The following DVL2 variants were observed in gnomAD, a reference collection of about 807,000 sequenced individuals.
DVL2 encodes dishevelled segment polarity protein 2, also known as segment polarity protein dishevelled homolog DVL-2.
A neutral mutation model predicts 69.8 loss-of-function variants in DVL2; 38 were observed. That is an observed-to-expected ratio of 0.54 (90% CI 0.42 to 0.71). The LOEUF (loss-of-function observed/expected upper bound fraction) is 0.71. Ranked by LOEUF, DVL2 falls within the 30% of genes least tolerant of loss-of-function variation. The probability of loss-of-function intolerance (pLI) is 0.00; values close to 1 mark genes in which losing one functional copy is unlikely to be tolerated. For synonymous variants in DVL2, 428 were observed against 392.4 expected, an observed-to-expected ratio of 1.09 and a Z score of -1.07; for missense variants, 931 against 1,008.1, an observed-to-expected ratio of 0.92 and a Z score of 1.04.
At chr17:7,228,670 C>A (rs534249681) in intron 9 of DVL2, 11 of 364,444 alleles carry the variant, frequency 3.0e-5, no homozygotes, top group Middle Eastern at 8.3e-4. Context: ...AACCTCCACC[C>A]CCCAGGGTTC....
At chr17:7,228,092 T>A (rs1436629811) in intron 9 of DVL2, 48 bp from the exon 10 acceptor site, 1 of 1,463,910 alleles carries the variant, frequency 6.8e-7, no homozygotes, top group African/African-American at 1.4e-5. Context: ...AGAGGAGGCC[T>A]CAGGAGGGCG....
chr17:7,226,429 T>C lies in DVL2; in HGVS notation c.1754A>G (p.His585Arg). The change falls in exon 14 of 15, where the codon CAT (histidine) becomes CGT (arginine). Residue 585 changes from histidine to arginine, a missense_variant. Transcript: ENST00000005340. Reference sequence around the variant, plus strand: ...ATGTGGGGATGACTTACCCTCACTATGCTGGCTGCTGGCACTGCCCCCACC... The same window carrying C: ...ATGTGGGGATGACTTACCCTCACTACGCTGGCTGCTGGCACTGCCCCCACC... ...TYGGGSASSQHSEGSRSSGST... is the reference protein window; with the variant it reads ...TYGGGSASSQRSEGSRSSGST... 6.5e-7 allele frequency: 1 copy of C among 1,534,612 alleles called. No homozygotes were observed. The highest frequency in any genetic ancestry group is 1.4e-5 in the African/African-American group (1 of 72,370).
intron 1 of DVL2, among the ~76,000 whole-genome samples, chr17:7,232,946 C>T (rs928655421): frequency 4.0e-5 from 6 of 151,866 alleles, no homozygotes; most frequent in South Asian, 2.1e-4. Flanking sequence ...AAAAATTAGC[C>T]GGGTGTGGTG....
intron 1 of DVL2, among the ~76,000 whole-genome samples, chr17:7,232,860 C>T (rs2071562909): frequency 6.6e-6 from 1 of 151,998 alleles, no homozygotes; most frequent in Admixed American, 6.6e-5. Flanking sequence ...GAGGCTGAGG[C>T]GGGCGAATCA....
Position 7,229,907 on chromosome 17 carries a change from T to C in DVL2, c.557A>G (p.Glu186Gly), listed in dbSNP as rs2142993086. ...GHRTGGPSRL[E>G]RHLAGYESSS... ...GCTCTCGTATCCGGCCAGGTGGCGC[T>C]CCAGCCTTGAGGGGCCACCAGTCCT... The change falls in exon 5 of 15, where the codon GAG becomes GGG. Residue 186 changes from glutamate (E) to glycine (G), a missense_variant. Physicochemically the swap from Glu to Gly is moderately conservative, Grantham distance 98. Around this residue, in one of 3 missense-constraint regions of DVL2, gnomAD observed 555 missense variants for 588.8 expected, o/e 0.94. Transcript: ENST00000005340. This position sits in a 1 kb window ranked among gnomAD's most constrained non-coding sequence, Gnocchi z 4.4. The C allele has an allele frequency of 1.2e-6, 2 of 1,609,648 alleles. No homozygotes were observed. Among genetic ancestry groups the C allele is most frequent in the Middle Eastern group, 1.7e-4 (1 of 6,056 alleles).
In DVL2 at chr17:7,229,218, C is replaced by T. The variant is rs774081156; in HGVS notation, c.874G>A (p.Gly292Arg). 4 of 1,614,166 alleles carry T rather than the reference C, an allele frequency of 2.5e-6. No individual in the cohort carries two copies. The highest frequency in any genetic ancestry group is 2.2e-5 in the East Asian group (1 of 44,880). Residue 292 changes from glycine (G) to arginine (R), a missense_variant, in exon 8 of 15, where the codon GGA (glycine) becomes AGA (arginine). By Grantham distance (125) the Gly-to-Arg change is moderately radical. Transcript: ENST00000005340. The surrounding 1 kb of genome is among the most constrained non-coding windows in gnomAD (Gnocchi z 4.4). ...ATGATGGAGCCAATGTAGATGCCTC[C>T]GTCTCCCCGCTCATTGCTCTGGCCA... ...IVGQSNERGDGGIYIGSIMKG... is the reference protein window; with the variant it reads ...IVGQSNERGDRGIYIGSIMKG...
Position 7,227,798 on chromosome 17 carries a change from G to A in DVL2, c.1103-15C>T, listed in dbSNP as rs77934771. On this transcript the variant is annotated splice_polypyrimidine_tract_variant and intron_variant, in intron 10 of 14. Coordinates refer to ENST00000005340, the MANE Select transcript of DVL2 (RefSeq NM_004422.3). Reference sequence around the variant, plus strand: ...GATGGGCTCATCTGGGACAAAGATGGCACCAAAATGACCCATTCTCAGTCC... The same window carrying A: ...GATGGGCTCATCTGGGACAAAGATGACACCAAAATGACCCATTCTCAGTCC... 0.035 allele frequency: 54,514 copies of A among 1,561,906 alleles called. 1,127 individuals are homozygous for A. The highest frequency in any genetic ancestry group is 0.042 in the Non-Finnish European group (48,748 of 1,152,702).
At chr17:7,231,343 A>T (rs976722699) in intron 1 of DVL2, among the ~76,000 whole-genome samples, 2 of 150,756 alleles carry the variant, frequency 1.3e-5, no homozygotes, top group Admixed American at 1.3e-4. Flanking sequence ...GGTGTCTATA[A>T]TCCCAGCTAC....
In DVL2 at chr17:7,234,106, C is replaced by T. The variant is rs1169678933; in HGVS notation, c.157G>A (p.Ala53Thr). 6.2e-7 allele frequency: 1 copy of T among 1,614,158 alleles called. No homozygotes were observed. Among genetic ancestry groups the T allele is most frequent in the Admixed American group, 1.7e-5 (1 of 60,028 alleles). ...TCCATAGACTTGAAAAAGTACTTGG[C>T]GCCCGCGGGCCGCTGCAGGACGCTC... The part of the protein sequence containing the change: ...FKSVLQRPAG[A>T]KYFFKSMDQD... Residue 53 changes from alanine (A) to threonine (T), a missense_variant, in exon 1 of 15, where the codon GCC becomes ACC. This residue lies in a region of DVL2 where 555 missense variants were observed against 588.8 expected (regional missense o/e 0.94). Transcript: ENST00000005340.
rs764230022 is a variant in DVL2 at position 7,229,122 on chromosome 17, T to C, written c.957+13A>G. The C allele has an allele frequency of 1.9e-6, 3 of 1,614,016 alleles. No homozygotes were observed. Among genetic ancestry groups the C allele is most frequent in the East Asian group, 4.5e-5 (2 of 44,870 alleles). On this transcript the variant is annotated intron_variant, in intron 8 of 14. Transcript: ENST00000005340. This position sits in a 1 kb window ranked among gnomAD's most constrained non-coding sequence, Gnocchi z 4.4. Reference sequence around the variant, plus strand: ...CCCGTGCAGGGCAGCTCAGTGGCCCTACCCCAGCACACCTGCAAAAGCATG... The same window carrying C: ...CCCGTGCAGGGCAGCTCAGTGGCCCCACCCCAGCACACCTGCAAAAGCATG...
Position 7,226,272 on chromosome 17 carries a change from C to G in DVL2, c.1804G>C (p.Gly602Arg). The G allele has an allele frequency of 6.3e-7, 1 of 1,597,646 alleles. No individual in the cohort carries two copies. The highest frequency in any genetic ancestry group is 1.3e-5 in the African/African-American group (1 of 74,486). The change falls in exon 15 of 15, where the codon GGG becomes CGG. Residue 602 changes from glycine (G) to arginine (R), a missense_variant. By Grantham distance (125) the Gly-to-Arg change is moderately radical (BLOSUM62 -2). Around this residue, in one of 3 missense-constraint regions of DVL2, gnomAD observed 314 missense variants for 313.7 expected, o/e 1.00. Coordinates refer to ENST00000005340, the MANE Select transcript of DVL2 (RefSeq NM_004422.3). ...CGCTCCTCGGGCCTCCCCGTGCGCC[C>G]TGCCCCCCCATCACTCCGTGTCGAC... is the stretch of plus-strand genomic sequence containing the variant. ...SGSTRSDGGA[G>R]RTGRPEERAP...
chr17:7,228,609 C>A, intron 9 of DVL2: 2 of 218,362 alleles, frequency 9.2e-6, no homozygotes, highest in Non-Finnish European at 9.1e-6. Context: ...GAGACGGAGT[C>A]TTGCTCTGTC....
rs201390441 is a variant in DVL2, at chr17:7,227,569, G to T, written c.1232-34C>A. On this transcript the variant is annotated intron_variant, in intron 11 of 14. Transcript: ENST00000005340. ...GGAGACAACGGGTAACCAGAGTCAG[G>T]GATCGCTCCCACAAGGGCAATGGAT... 42 of 1,612,978 alleles carry T rather than the reference G, an allele frequency of 2.6e-5. No individual in the cohort carries two copies. The Admixed American group carries it at 6.7e-4, about 26-fold the overall frequency.
rs372141752 is a variant in DVL2 at position 7,234,328 on chromosome 17, G to A, written c.-66C>T. Reference sequence around the variant, plus strand: ...AGGGCTAATGGCCCCTGCCGCGCCTGCGCACACCCGCAAACCGACGCGCGA... The same window carrying A: ...AGGGCTAATGGCCCCTGCCGCGCCTACGCACACCCGCAAACCGACGCGCGA... On this transcript the variant is annotated 5_prime_UTR_variant, in exon 1 of 15. Transcript: ENST00000005340. 1 of 1,538,232 alleles carries A rather than the reference G, an allele frequency of 6.5e-7. No individual in the cohort carries two copies. The highest frequency in any genetic ancestry group is 2.3e-5 in the East Asian group (1 of 44,362).
Position 7,234,253 on chromosome 17 carries a change from T to A in DVL2, c.10A>T (p.Ser4Cys), listed in dbSNP as rs1314140315. The A allele has an allele frequency of 3.1e-6, 5 of 1,607,822 alleles. No individual in the cohort carries two copies. In the South Asian group the frequency reaches 5.5e-5, roughly 18 times the overall value. The change falls in exon 1 of 15, where the codon AGC becomes TGC. Residue 4 changes from serine to cysteine, a missense_variant. Transcript: ENST00000005340. MAG[S>C]STGGGGVGET... ...CCAACCCCACCGCCCCCAGTGCTGC[T>A]ACCCGCCATGGTCTCGCCCGCGCGC... is the stretch of plus-strand genomic sequence containing the variant.
intron 9 of DVL2, 134 bp from the exon 10 acceptor site, chr17:7,228,178 G>A (rs2071487322): frequency 2.8e-6 from 2 of 709,208 alleles, no homozygotes; most frequent in Non-Finnish European, 4.7e-6. Flanking sequence ...GCTAGAGAAG[G>A]TGAGGGTGGA....
chr17:7,234,036 C>T (rs1370540542), intron 1 of DVL2, 33 bp downstream of exon 1: 4 of 1,609,502 alleles, frequency 2.5e-6, no homozygotes, highest in Non-Finnish European at 3.4e-6. Flanking sequence ...TCTAGCAAAG[C>T]CCCCGCCGGT....
chr17:7,228,574 T>C (rs2071493365), intron 9 of DVL2: 2 of 211,476 alleles, frequency 9.5e-6, no homozygotes, highest in East Asian at 1.2e-4. Context: ...TTGAACGTTA[T>C]GTCTTAGCAC....
chr17:7,231,446 C>CAAA (rs57713433), intron 1 of DVL2, among the ~76,000 whole-genome samples: 1 of 98,856 alleles, frequency 1.0e-5, no homozygotes, highest in Non-Finnish European at 2.1e-5. Flanking sequence ...CTGGGCGGCT[C>CAAA]AAAAAAAAAA....
Sources: allele counts gnomAD v4.1 joint callset (sites outside exome capture counted in the v4.1 genomes callset), GRCh38; gene constraint gnomAD v4.1.1; regional missense constraint gnomAD v4.1.1; non-coding constraint Gnocchi (gnomAD v3.1); transcripts MANE v1.5; gene names NCBI Gene and HGNC (gene_info 2026-07-23, HGNC 2026-07-21).